AKT3: variants seen among roughly 807,000 people sequenced by gnomAD.
AKT3 encodes the protein AKT serine/threonine kinase 3.
AKT3 carries 15 observed loss-of-function variants against 65.3 expected under a neutral mutation model. The observed-to-expected ratio is 0.23, with a 90% CI of 0.15 to 0.35. The LOEUF (loss-of-function observed/expected upper bound fraction) is 0.35. Among genes scored for constraint, AKT3 ranks in the 10% least tolerant of loss-of-function variants. The pLI, the probability that AKT3 is intolerant of heterozygous loss-of-function variation, is 1.00. For missense variants in AKT3, 243 were observed against 576.5 expected (o/e 0.42, Z 5.92); for synonymous variants, 206 against 183.8 (o/e 1.12, Z -0.98).
chr1:243,850,714 C>G (rs940606126), upstream of AKT3, among the ~76,000 whole-genome samples: 1 of 151,922 alleles, frequency 6.6e-6, no homozygotes, highest in Non-Finnish European at 1.5e-5. Flanking sequence ...CGCCTCTGCT[C>G]CCCTCCCTGC....
At chr1:243,756,471 G>A (rs971285) in intron 2 of AKT3, among the ~76,000 whole-genome samples, 77,302 of 151,970 alleles carry the variant, frequency 0.51, 23,516 homozygotes, top group Non-Finnish European at 0.68. Flanking sequence ...AATCCCGCTG[G>A]CCACATCTGA....
chr1:243,850,819 C>G (rs936439147), upstream of AKT3, among the ~76,000 whole-genome samples: 1 of 152,004 alleles, frequency 6.6e-6, no homozygotes, highest in Non-Finnish European at 1.5e-5. Flanking sequence ...CCAGCCAGAG[C>G]CGGGAGCGGG....
At position 243,765,023 on chromosome 1, in the gene AKT3, G is replaced by A. The variant is rs549968612; in HGVS notation, c.47-69307C>T. Reference sequence around the variant, plus strand: ...TCATTTATACATATATTTACTTTTGGTGCATATTTATTGATGTTAAAAAAT... The same window carrying A: ...TCATTTATACATATATTTACTTTTGATGCATATTTATTGATGTTAAAAAAT... On this transcript the variant is annotated intron_variant, in intron 2 of 13. Coordinates refer to ENST00000673466, the MANE Select transcript of AKT3 (RefSeq NM_005465.7). 9.3e-4 allele frequency among the ~76,000 whole-genome samples: 141 copies of A among 151,866 alleles called. 1 individual carries two copies. The highest frequency in any genetic ancestry group is 3.3e-3 in the African/African-American group (138 of 41,412).
intron 12 of AKT3, among the ~76,000 whole-genome samples, chr1:243,535,647 T>C (rs1448325552): frequency 6.6e-6 from 1 of 152,214 alleles, no homozygotes; most frequent in Admixed American, 6.5e-5. Flanking sequence ...CTTAGGTTGA[T>C]TCCCTATCTT....
chr1:243,673,560 T>C (rs1180646832), intron 3 of AKT3, among the ~76,000 whole-genome samples: 2 of 151,484 alleles, frequency 1.3e-5, no homozygotes, highest in African/African-American at 4.8e-5. Context: ...GTACACAGGA[T>C]ATTTAACCAT....
At chr1:243,691,550 G>A (rs1437207778) in intron 3 of AKT3, among the ~76,000 whole-genome samples, 2 of 152,088 alleles carry the variant, frequency 1.3e-5, no homozygotes, top group Non-Finnish European at 2.9e-5. Context: ...AGGATCATAG[G>A]TTCAAGAAAT....
At chr1:243,796,773 T>C (rs1692041395) in intron 2 of AKT3, among the ~76,000 whole-genome samples, 1 of 152,082 alleles carries the variant, frequency 6.6e-6, no homozygotes, top group Admixed American at 6.6e-5. Context: ...ATGTGGTACA[T>C]CCATATTATG....
chr1:243,493,534 C>T (rs572858721), intron 13 of AKT3, among the ~76,000 whole-genome samples: 2 of 152,088 alleles, frequency 1.3e-5, no homozygotes, highest in Admixed American at 1.3e-4. Context: ...TGGTAGCCGT[C>T]GTATCCTGAG....
At chr1:243,516,975 T>C (rs1173203809) in intron 12 of AKT3, among the ~76,000 whole-genome samples, 3 of 152,232 alleles carry the variant, frequency 2.0e-5, no homozygotes, top group African/African-American at 7.2e-5. Flanking sequence ...TACTATAAAT[T>C]GTATTTAGTA....
rs1295680360 is a variant in AKT3 at position 243,615,171 on chromosome 1, A to C, written c.562-10T>G. 2 of 1,596,826 alleles carry C rather than the reference A, an allele frequency of 1.3e-6. No individual in the cohort carries two copies. The highest frequency in any genetic ancestry group is 1.7e-6 in the Non-Finnish European group (2 of 1,169,262). On this transcript the variant is annotated splice_polypyrimidine_tract_variant and intron_variant, in intron 6 of 13. Transcript: ENST00000673466. ...TGTGTGCCACTTCATCCTACAAAAG[A>C]AAAAAAGCAAACCTTCAATATATGT...
At chr1:243,621,934 A>G (rs1226142586) in intron 6 of AKT3, among the ~76,000 whole-genome samples, 2 of 152,168 alleles carry the variant, frequency 1.3e-5, no homozygotes, top group Non-Finnish European at 2.9e-5. Context: ...ACAAGCCACT[A>G]TCATCAATTA....
intron 2 of AKT3, among the ~76,000 whole-genome samples, chr1:243,753,905 AC>A (rs1688964786): frequency 6.6e-6 from 1 of 152,032 alleles, no homozygotes; most frequent in Non-Finnish European, 1.5e-5. Context: ...GTAACAATGA[AC>A]CCTCTCTTCT....
At chr1:243,678,773 T>C (rs977503931) in intron 3 of AKT3, among the ~76,000 whole-genome samples, 7 of 152,244 alleles carry the variant, frequency 4.6e-5, no homozygotes, top group African/African-American at 1.4e-4. Context: ...TATCACATAC[T>C]GTTTTTAGGA....
chr1:243,512,223 A>T, intron 13 of AKT3, 101 bp downstream of exon 13: 2 of 621,206 alleles, frequency 3.2e-6, no homozygotes, highest in Non-Finnish European at 5.4e-6. Flanking sequence ...GTGGAATTTG[A>T]TCTTGAAAAT....
chr1:243,507,806 C>T (rs1669765574), intron 13 of AKT3, among the ~76,000 whole-genome samples: 1 of 152,192 alleles, frequency 6.6e-6, no homozygotes, highest in Non-Finnish European at 1.5e-5. Context: ...GCGACCAGAT[C>T]TCAAAGAAAC....
intron 2 of AKT3, among the ~76,000 whole-genome samples, chr1:243,713,479 T>C (rs1686285751): frequency 6.6e-6 from 1 of 152,108 alleles, no homozygotes; most frequent in South Asian, 2.1e-4. Flanking sequence ...AGCAGCATCA[T>C]AAACCGTCTC....
intron 2 of AKT3, among the ~76,000 whole-genome samples, chr1:243,700,770 G>A (rs527935933): frequency 3.3e-5 from 5 of 152,136 alleles, no homozygotes; most frequent in African/African-American, 9.7e-5. Flanking sequence ...CCAAAGTGGT[G>A]GGATTACAGG....
chr1:243,515,492 T>C (rs1450050045), intron 12 of AKT3, among the ~76,000 whole-genome samples: 1 of 152,208 alleles, frequency 6.6e-6, no homozygotes, highest in Non-Finnish European at 1.5e-5. Context: ...CTTTGCATCA[T>C]TTGATATAAT....
At chr1:243,662,464 C>T (rs1464821089) in intron 4 of AKT3, among the ~76,000 whole-genome samples, 2 of 149,090 alleles carry the variant, frequency 1.3e-5, no homozygotes, top group African/African-American at 5.0e-5. Context: ...GGACAAAAAA[C>T]CAAACACCAC....
Sources: gnomAD v4.1 joint callset for allele counts (sites outside exome capture counted in the v4.1 genomes callset) on GRCh38, gnomAD v4.1.1 for gene constraint, MANE v1.5 for transcripts, NCBI Gene and HGNC (gene_info 2026-07-23, HGNC 2026-07-21) for gene names.